The following ZHX3 variants were observed in gnomAD, a reference collection of about 807,000 sequenced individuals.
The protein encoded by ZHX3 is zinc fingers and homeoboxes 3.
A neutral mutation model predicts 64.5 loss-of-function variants in ZHX3; 20 were observed. The ratio of observed to expected loss-of-function variants is 0.31; its 90% CI spans 0.22 to 0.45. ZHX3 has a LOEUF of 0.45. Among genes scored for constraint, ZHX3 ranks in the 20% least tolerant of loss-of-function variants. The probability of loss-of-function intolerance (pLI) is 1.00; values close to 1 mark genes in which losing one functional copy is unlikely to be tolerated. For synonymous variants in ZHX3, 423 were observed against 461.6 expected, an observed-to-expected ratio of 0.92 and a Z score of 1.07; for missense variants, 1,041 against 1,195.8, an observed-to-expected ratio of 0.87 and a Z score of 1.91.
intron 2 of ZHX3, among the ~76,000 whole-genome samples, chr20:41,211,459 T>C (rs1261268195): frequency 1.3e-5 from 2 of 152,112 alleles, no homozygotes; most frequent in Non-Finnish European, 2.9e-5. Flanking sequence ...CCCCACCAAT[T>C]TGAACTGGCA....
At chr20:41,241,943 G>C (rs1023418843) in intron 2 of ZHX3, among the ~76,000 whole-genome samples, 1 of 152,060 alleles carries the variant, frequency 6.6e-6, no homozygotes, top group African/African-American at 2.4e-5. Context: ...ATGACCTCTA[G>C]AGTGTTTTAA....
At chr20:41,271,614 AC>A (rs2043152863) in intron 1 of ZHX3, among the ~76,000 whole-genome samples, 1 of 152,164 alleles carries the variant, frequency 6.6e-6, no homozygotes, top group Non-Finnish European at 1.5e-5. Flanking sequence ...CAAAAACAGC[AC>A]TGACTGTGGG....
chr20:41,242,565 A>T (rs1474969339), intron 2 of ZHX3, among the ~76,000 whole-genome samples: 4 of 152,212 alleles, frequency 2.6e-5, no homozygotes, highest in African/African-American at 9.6e-5. Context: ...ACTGATGCCT[A>T]ACTGATCAAA....
chr20:41,287,768 C>A (rs1258266984), intron 1 of ZHX3, among the ~76,000 whole-genome samples: 2 of 152,184 alleles, frequency 1.3e-5, no homozygotes, highest in Non-Finnish European at 2.9e-5. Context: ...AGCATGACTG[C>A]AATCTCATGA....
At chr20:41,253,060 A>T (rs2042065922) in intron 2 of ZHX3, among the ~76,000 whole-genome samples, 1 of 152,152 alleles carries the variant, frequency 6.6e-6, no homozygotes. Flanking sequence ...CCTTGACCTT[A>T]AGGAAATTTG....
At chr20:41,218,719 TG>T (rs1185094439) in intron 2 of ZHX3, among the ~76,000 whole-genome samples, 2 of 152,172 alleles carry the variant, frequency 1.3e-5, no homozygotes, top group African/African-American at 4.8e-5. Flanking sequence ...TGGTTGCAAT[TG>T]TCAGATTTCT....
At position 41,254,951 on chromosome 20, in the gene ZHX3, G is replaced by A. The variant is rs78398320; in HGVS notation, c.-151+14039C>T. 3.3e-5 allele frequency among the ~76,000 whole-genome samples: 5 copies of A among 152,206 alleles called. No individual in the cohort carries two copies. The East Asian group carries it at 9.7e-4, about 29-fold the overall frequency. ...CAATGGGCAGGCGATACCCGAGGGA[G>A]ACTGATAATAGTGAGGAAGACCAAA... On this transcript the variant is annotated intron_variant, in intron 2 of 3. Coordinates refer to ENST00000683867, the MANE Select transcript of ZHX3 (RefSeq NM_001384317.1).
At chr20:41,272,599 T>C (rs1299924275) in intron 1 of ZHX3, among the ~76,000 whole-genome samples, 1 of 152,214 alleles carries the variant, frequency 6.6e-6, no homozygotes, top group East Asian at 1.9e-4. Context: ...TTACCTCTTG[T>C]GGATATTCCC....
chr20:41,196,589 A>T (rs1267132612), intron 3 of ZHX3: 1 of 100,096 alleles, frequency 1.0e-5, no homozygotes, highest in Non-Finnish European at 1.9e-5. Flanking sequence ...ATATATATTT[A>T]TATATATAAA....
chr20:41,289,643 G>A (rs771359430), intron 1 of ZHX3, among the ~76,000 whole-genome samples: 1 of 151,588 alleles, frequency 6.6e-6, no homozygotes, highest in Non-Finnish European at 1.5e-5. Flanking sequence ...CCAAACATTT[G>A]AAAATTTGTC....
intron 2 of ZHX3, among the ~76,000 whole-genome samples, chr20:41,262,110 T>C (rs1340931144): frequency 1.3e-5 from 2 of 152,176 alleles, no homozygotes; most frequent in Admixed American, 6.5e-5. Context: ...AAATTCCTCA[T>C]ATCTCCTCTT....
chr20:41,308,717 T>C (rs1450297686), intron 1 of ZHX3, among the ~76,000 whole-genome samples: 1 of 152,166 alleles, frequency 6.6e-6, no homozygotes, highest in African/African-American at 2.4e-5. Context: ...GGAAAGAATT[T>C]TCCCAGGGAA....
chr20:41,196,457 T>TATTTATATATTATAAATATA (rs11480834), intron 3 of ZHX3, among the ~76,000 whole-genome samples: 3 of 1,374 alleles, frequency 2.2e-3, no homozygotes, highest in Admixed American at 0.014. Flanking sequence ...ATATAATATA[T>TATTTATATATTATAAATATA]TTATATATAA....
At chr20:41,268,909 AG>A (rs1434924965) in intron 2 of ZHX3, 80 bp downstream of exon 2, 3 of 152,264 alleles carry the variant, frequency 2.0e-5, no homozygotes, top group African/African-American at 7.2e-5. Context: ...TGCATTACAA[AG>A]TTGTGGTAAT....
intron 1 of ZHX3, among the ~76,000 whole-genome samples, chr20:41,296,329 G>A (rs538680475): frequency 2.7e-5 from 4 of 149,556 alleles, no homozygotes; most frequent in South Asian, 2.2e-4. Flanking sequence ...TATGAAATGC[G>A]GCTTTCTGGA....
chr20:41,262,497 C>T (rs974047626), intron 2 of ZHX3, among the ~76,000 whole-genome samples: 1 of 152,198 alleles, frequency 6.6e-6, no homozygotes, highest in Non-Finnish European at 1.5e-5. Flanking sequence ...CATACAGTAA[C>T]ATTTAGCTCC....
At chr20:41,265,310 C>G (rs1176986900) in intron 2 of ZHX3, among the ~76,000 whole-genome samples, 1 of 151,396 alleles carries the variant, frequency 6.6e-6, no homozygotes, top group South Asian at 2.1e-4. Flanking sequence ...TCAAGCAATT[C>G]TCCTGCCTCA....
chr20:41,259,078 T>C lies in ZHX3; in HGVS notation c.-151+9912A>G, dbSNP rs545029078. Among the ~76,000 whole-genome samples the C allele has an allele frequency of 1.4e-4, 22 of 152,344 alleles. No homozygotes were observed. The East Asian group carries it at 4.0e-3, about 28-fold the overall frequency. ...ACCCCACCTTCAGAGATTAGCACTA[T>C]AGATAATTTGATGTATATTCCATAT... On this transcript the variant is annotated intron_variant, in intron 2 of 3. Transcript: ENST00000683867.
intron 1 of ZHX3, among the ~76,000 whole-genome samples, chr20:41,296,000 T>C (rs936765296): frequency 1.4e-4 from 21 of 152,222 alleles, no homozygotes; most frequent in African/African-American, 5.1e-4. Context: ...GCTATTTAAG[T>C]TCATAAACAA....
Sources: allele counts gnomAD v4.1 joint callset (sites outside exome capture counted in the v4.1 genomes callset), GRCh38; gene constraint gnomAD v4.1.1; transcripts MANE v1.5; gene names NCBI Gene and HGNC (gene_info 2026-07-23, HGNC 2026-07-21).